The following DLC1 variants were observed in gnomAD, a reference collection of about 807,000 sequenced individuals.
DLC1 encodes DLC1 Rho GTPase activating protein.
DLC1 carries 54 observed loss-of-function variants against 140.3 expected under a neutral mutation model. The ratio of observed to expected loss-of-function variants is 0.38; its 90% confidence interval spans 0.31 to 0.48. The LOEUF is 0.48. Ranked by LOEUF, DLC1 falls within the 20% of genes least tolerant of loss-of-function variation. The pLI is 0.96. For synonymous variants in DLC1, 986 were observed against 728.1 expected (o/e 1.35, Z -5.70); for missense variants, 2,536 against 1,907.0 (o/e 1.33, Z -6.14).
chr8:13,334,632 G>A (rs1414446935), intron 4 of DLC1, among the ~76,000 whole-genome samples: 2 of 152,014 alleles, frequency 1.3e-5, no homozygotes, highest in African/African-American at 4.8e-5. Context: ...AGATAAAGTG[G>A]GCAGGACTTA....
intron 1 of DLC1, among the ~76,000 whole-genome samples, chr8:13,533,378 C>T (rs1301895077): frequency 2.0e-5 from 3 of 152,004 alleles, no homozygotes; most frequent in East Asian, 1.9e-4. Context: ...TTTTGAAGCC[C>T]CAGTCAACAA....
At chr8:13,479,391 G>C (rs574866220) in intron 2 of DLC1, among the ~76,000 whole-genome samples, 1 of 152,256 alleles carries the variant, frequency 6.6e-6, no homozygotes, top group East Asian at 1.9e-4. Flanking sequence ...ATAATGAGTG[G>C]AAGTTAAGAG....
chr8:13,502,447 T>G (rs970349309), intron 1 of DLC1, among the ~76,000 whole-genome samples: 2 of 152,176 alleles, frequency 1.3e-5, no homozygotes, highest in African/African-American at 4.8e-5. Context: ...GGTCTGATAG[T>G]TTTTTTAAAA....
chr8:13,346,163 T>G (rs1182281015), intron 4 of DLC1, among the ~76,000 whole-genome samples: 1 of 152,220 alleles, frequency 6.6e-6, no homozygotes, highest in Admixed American at 6.5e-5. Flanking sequence ...ACTTTGGGAT[T>G]AGATAGCCTT....
intron 5 of DLC1, among the ~76,000 whole-genome samples, chr8:13,135,267 C>T (rs1332913837): frequency 1.3e-5 from 2 of 149,076 alleles, no homozygotes. Flanking sequence ...TGCAGTGACA[C>T]GATCTCGGGT....
At chr8:13,387,027 G>A (rs879738499) in intron 4 of DLC1, among the ~76,000 whole-genome samples, 3 of 152,126 alleles carry the variant, frequency 2.0e-5, no homozygotes, top group East Asian at 1.9e-4. Context: ...GTGTTTAAAT[G>A]TTTTAATTAA....
At chr8:13,506,313 A>G (rs1041571842) in intron 1 of DLC1, among the ~76,000 whole-genome samples, 1 of 152,136 alleles carries the variant, frequency 6.6e-6, no homozygotes, top group African/African-American at 2.4e-5. Context: ...ATATAAATAA[A>G]TGAACACATG....
rs1233333987 is a variant in DLC1 at position 13,401,451 on chromosome 8, T to G, written c.1173+19A>C. Reference sequence around the variant, plus strand: ...GTTACGACTCCTATGGGAAAAGAAGTAGAAAGTGGAAAGCTCACAGGAACG... The same window carrying G: ...GTTACGACTCCTATGGGAAAAGAAGGAGAAAGTGGAAAGCTCACAGGAACG... On this transcript the variant is annotated intron_variant, in intron 3 of 17. Transcript: ENST00000276297. The G allele has an allele frequency of 6.2e-7, 1 of 1,610,842 alleles. No homozygotes were observed. The highest frequency in any genetic ancestry group is 8.5e-7 in the Non-Finnish European group (1 of 1,179,402).
chr8:13,458,137 A>G (rs557527015), intron 2 of DLC1, among the ~76,000 whole-genome samples: 2 of 152,340 alleles, frequency 1.3e-5, no homozygotes, highest in African/African-American at 2.4e-5. Flanking sequence ...TCTAGACACT[A>G]TAGAACACAA....
At chr8:13,362,534 T>C (rs1835279118) in intron 4 of DLC1, among the ~76,000 whole-genome samples, 1 of 152,018 alleles carries the variant, frequency 6.6e-6, no homozygotes, top group South Asian at 2.1e-4. Flanking sequence ...TCACATCCCT[T>C]CCACTCCTGA....
At chr8:13,324,459 T>A (rs1310803728) in intron 4 of DLC1, among the ~76,000 whole-genome samples, 2 of 151,650 alleles carry the variant, frequency 1.3e-5, no homozygotes, top group Non-Finnish European at 2.9e-5. Flanking sequence ...TCCCAGCTAC[T>A]CGGGAGGCTG....
chr8:13,253,970 T>G (rs752108104), intron 5 of DLC1, among the ~76,000 whole-genome samples: 2 of 152,066 alleles, frequency 1.3e-5, no homozygotes, highest in Non-Finnish European at 2.9e-5. Flanking sequence ...CCATCTAACG[T>G]TTGGGTGAAT....
chr8:13,373,139 C>T (rs777435871), intron 4 of DLC1, among the ~76,000 whole-genome samples: 2 of 152,116 alleles, frequency 1.3e-5, no homozygotes, highest in Non-Finnish European at 2.9e-5. Flanking sequence ...CCTAGATGTC[C>T]CAAAGTGCAG....
intron 13 of DLC1, 50 bp downstream of exon 13, chr8:13,092,562 A>C (rs776762106): frequency 1.3e-6 from 2 of 1,576,594 alleles, no homozygotes; most frequent in East Asian, 4.7e-5. Flanking sequence ...GAGTCCTAGG[A>C]AGAATGTAGG....
chr8:13,423,067 C>T (rs139622952), intron 2 of DLC1, among the ~76,000 whole-genome samples: 4 of 152,136 alleles, frequency 2.6e-5, no homozygotes, highest in African/African-American at 7.2e-5. Flanking sequence ...TAGCTCAGTT[C>T]TTATTGCAAA....
At chr8:13,198,186 A>C (rs1827176610) in intron 5 of DLC1, among the ~76,000 whole-genome samples, 1 of 152,336 alleles carries the variant, frequency 6.6e-6, no homozygotes, top group Middle Eastern at 3.4e-3. Context: ...TGACGATCAC[A>C]AGTGTGATCT....
chr8:13,407,143 G>A (rs1339804671), intron 2 of DLC1, among the ~76,000 whole-genome samples: 2 of 152,196 alleles, frequency 1.3e-5, no homozygotes, highest in Non-Finnish European at 2.9e-5. Flanking sequence ...AACCTAAGAT[G>A]TCCAAGCCCA....
At chr8:13,220,153 A>ATT (rs1350441545) in intron 5 of DLC1, among the ~76,000 whole-genome samples, 1 of 152,186 alleles carries the variant, frequency 6.6e-6, no homozygotes, top group Non-Finnish European at 1.5e-5. Context: ...TGGATTGTAC[A>ATT]TTTTAAAATG....
rs763670283 is a variant in DLC1, at chr8:13,099,817, C to T, written c.2520G>A (p.Thr840=). The change falls in exon 9 of 18, where the codon ACG becomes ACA. Residue 840 remains threonine (T), a synonymous_variant. Transcript: ENST00000276297. The part of the protein sequence containing the change: ...SGNNGSVNWR[T]GSFHGPGHIS... ...TGTGGCCAGGGCCGTGGAAGCTTCCCGTCCTCCAGTTCACAGAGCCGTTAT... is the reference window on the plus strand; with the variant it reads ...TGTGGCCAGGGCCGTGGAAGCTTCCTGTCCTCCAGTTCACAGAGCCGTTAT... 1.9e-6 allele frequency: 3 copies of T among 1,614,026 alleles called. No homozygotes were observed. Among genetic ancestry groups the T allele is most frequent in the East Asian group, 2.2e-5 (1 of 44,876 alleles).
Sources: allele counts gnomAD v4.1 joint callset (sites outside exome capture counted in the v4.1 genomes callset), GRCh38; gene constraint gnomAD v4.1.1; transcripts MANE v1.5; gene names NCBI Gene and HGNC (gene_info 2026-07-23, HGNC 2026-07-21).